SUMF1: variants seen among roughly 807,000 people sequenced by gnomAD.
The protein encoded by SUMF1 is sulfatase modifying factor 1.
In SUMF1, 48 loss-of-function variants were observed where a neutral mutation model predicts 47.6. The ratio of observed to expected loss-of-function variants is 1.01; its 90% confidence interval spans 0.80 to 1.28. The LOEUF is 1.28. SUMF1 is among the 50% of genes most tolerant of loss of function. The pLI is 0.00. For synonymous variants in SUMF1, 230 were observed against 192.1 expected, an observed-to-expected ratio of 1.20 and a Z score of -1.63; for missense variants, 571 against 485.4, an observed-to-expected ratio of 1.18 and a Z score of -1.66.
chr3:4,319,549 A>G (rs1698776879), intron 8 of SUMF1, among the ~76,000 whole-genome samples: 1 of 152,190 alleles, frequency 6.6e-6, no homozygotes, highest in Non-Finnish European at 1.5e-5. Flanking sequence ...TGAGGGAGGA[A>G]CTCAGATGAG....
At chr3:4,172,652 A>G (rs1694859053) in intron 8 of SUMF1, among the ~76,000 whole-genome samples, 1 of 152,036 alleles carries the variant, frequency 6.6e-6, no homozygotes, top group Non-Finnish European at 1.5e-5. Context: ...TTCTTTTGAG[A>G]AGGGTCTGCT....
At chr3:4,456,706 GTATATATATACA>G (rs1219399506) in intron 1 of SUMF1, among the ~76,000 whole-genome samples, 29 of 113,630 alleles carry the variant, frequency 2.6e-4, no homozygotes, top group Non-Finnish European at 3.2e-4. Flanking sequence ...ATATATATAC[GTATATATATACA>G]TATATATACG....
At chr3:4,162,136 A>G (rs1244502472) in intron 8 of SUMF1, among the ~76,000 whole-genome samples, 2 of 151,430 alleles carry the variant, frequency 1.3e-5, no homozygotes, top group Non-Finnish European at 2.9e-5. Context: ...GGGCCTCACA[A>G]CTCTGTCTAA....
intron 8 of SUMF1, among the ~76,000 whole-genome samples, chr3:4,098,373 G>A (rs1483902419): frequency 6.6e-6 from 1 of 152,070 alleles, no homozygotes; most frequent in Non-Finnish European, 1.5e-5. Flanking sequence ...GACACATAGG[G>A]ACACACAATA....
intron 6 of SUMF1, among the ~76,000 whole-genome samples, chr3:4,413,023 T>C (rs948734216): frequency 6.6e-6 from 1 of 152,036 alleles, no homozygotes; most frequent in Non-Finnish European, 1.5e-5. Context: ...ATTTTTTTTT[T>C]AGACAGGGTC....
intron 7 of SUMF1, among the ~76,000 whole-genome samples, chr3:4,396,817 A>C (rs1481133772): frequency 6.6e-6 from 1 of 152,220 alleles, no homozygotes; most frequent in East Asian, 1.9e-4. Flanking sequence ...AGGCCCCAGG[A>C]GAATGATTAA....
chr3:4,317,064 C>G (rs1342845405), intron 8 of SUMF1: 5 of 1,549,172 alleles, frequency 3.2e-6, no homozygotes. Flanking sequence ...AACCAACTAC[C>G]ACGTCTTTAA....
Position 4,410,959 on chromosome 3 carries a change from T to A in SUMF1, c.860A>T (p.Asn287Ile), listed in dbSNP as rs766298096. The A allele has an allele frequency of 6.2e-7, 1 of 1,613,976 alleles. No homozygotes were observed. The highest frequency in any genetic ancestry group is 8.5e-7 in the Non-Finnish European group (1 of 1,179,890). The change falls in exon 7 of 9, where the codon AAT (asparagine) becomes ATT (isoleucine). Residue 287 changes from asparagine to isoleucine, a missense_variant. Transcript: ENST00000272902. ...GTAPVDAFPPNGYGLYNIVGN... is the reference protein window; with the variant it reads ...GTAPVDAFPPIGYGLYNIVGN... ...CACTATGTTGTATAAGCCATAACCA[T>A]TGGGAGGGAAGGCATCAACCTAAAA...
chr3:4,274,834 G>A (rs1159575035), intron 8 of SUMF1, among the ~76,000 whole-genome samples: 1 of 152,182 alleles, frequency 6.6e-6, no homozygotes, highest in Non-Finnish European at 1.5e-5. Context: ...GGAATCACAG[G>A]TTGAATTCTG....
intron 8 of SUMF1, among the ~76,000 whole-genome samples, chr3:4,267,607 T>C (rs1259386123): frequency 6.6e-6 from 1 of 152,076 alleles, no homozygotes; most frequent in Non-Finnish European, 1.5e-5. Context: ...AAAGAAGACA[T>C]TTATGCAGCC....
At chr3:4,428,863 C>T (rs1172114901) in intron 3 of SUMF1, among the ~76,000 whole-genome samples, 3 of 152,198 alleles carry the variant, frequency 2.0e-5, no homozygotes, top group Non-Finnish European at 4.4e-5. Flanking sequence ...CCAGCTTCAT[C>T]AGTAAGCATA....
intron 3 of SUMF1, among the ~76,000 whole-genome samples, chr3:4,444,525 G>A (rs1559304050): frequency 1.3e-5 from 2 of 152,152 alleles, no homozygotes; most frequent in Non-Finnish European, 2.9e-5. Flanking sequence ...AAATGTTTGG[G>A]AGTTTTAAAA....
chr3:4,209,188 G>A (rs1695720889), intron 8 of SUMF1, among the ~76,000 whole-genome samples: 2 of 152,026 alleles, frequency 1.3e-5, no homozygotes, highest in South Asian at 2.1e-4. Context: ...TTATATACGT[G>A]CTGCTGCAGT....
At chr3:4,406,792 T>C (rs1701390575) in intron 7 of SUMF1, among the ~76,000 whole-genome samples, 2 of 152,196 alleles carry the variant, frequency 1.3e-5, no homozygotes, top group Admixed American at 1.3e-4. Flanking sequence ...CATCATCAAC[T>C]GAACAAGTCA....
intron 8 of SUMF1, among the ~76,000 whole-genome samples, chr3:4,129,852 G>A (rs1196164588): frequency 6.6e-6 from 1 of 151,990 alleles, no homozygotes; most frequent in Non-Finnish European, 1.5e-5. Context: ...GGGTCCAGTG[G>A]GTCCCTGGAC....
intron 8 of SUMF1, among the ~76,000 whole-genome samples, chr3:4,165,610 C>T (rs1694681656): frequency 6.6e-6 from 1 of 152,044 alleles, no homozygotes; most frequent in Non-Finnish European, 1.5e-5. Flanking sequence ...CATTTGCCTT[C>T]CCTCTTACAG....
chr3:4,386,314 T>C (rs780134298), intron 7 of SUMF1, among the ~76,000 whole-genome samples: 1 of 152,200 alleles, frequency 6.6e-6, no homozygotes, highest in Non-Finnish European at 1.5e-5. Flanking sequence ...TTAGCACACA[T>C]GTACTAAACA....
intron 8 of SUMF1, among the ~76,000 whole-genome samples, chr3:4,297,167 G>A (rs775976425): frequency 2.3e-4 from 35 of 152,132 alleles, no homozygotes; most frequent in Non-Finnish European, 3.8e-4. Flanking sequence ...CTTGGGCCGA[G>A]GCTTTTTAGG....
intron 8 of SUMF1, among the ~76,000 whole-genome samples, chr3:4,299,362 T>C (rs1414319072): frequency 6.6e-6 from 1 of 152,224 alleles, no homozygotes; most frequent in East Asian, 1.9e-4. Flanking sequence ...AGGCTTTGGC[T>C]CTTGTCCTAT....
Sources: gnomAD v4.1 joint callset for allele counts (sites outside exome capture counted in the v4.1 genomes callset) on GRCh38, gnomAD v4.1.1 for gene constraint, MANE v1.5 for transcripts, NCBI Gene and HGNC (gene_info 2026-07-23, HGNC 2026-07-21) for gene names.